SUGCT: variants seen among roughly 807,000 people sequenced by gnomAD.
SUGCT encodes succinyl-CoA:glutarate-CoA transferase.
SUGCT carries 41 observed loss-of-function variants against 55.0 expected under a neutral mutation model. That is an observed-to-expected ratio of 0.74 (90% CI 0.58 to 0.97). The LOEUF is 0.97. Ranked by LOEUF, SUGCT falls within the 50% of genes least tolerant of loss-of-function variation. SUGCT has a pLI of 0.00. For missense variants in SUGCT, 568 were observed against 547.8 expected (o/e 1.04, Z -0.37); for synonymous variants, 187 against 200.4 (o/e 0.93, Z 0.56).
At chr7:40,521,617 G>A (rs532284036) in intron 12 of SUGCT, among the ~76,000 whole-genome samples, 4 of 152,202 alleles carry the variant, frequency 2.6e-5, no homozygotes, top group East Asian at 3.9e-4. Context: ...AAAGACTGTA[G>A]CAGCTATGCC....
chr7:40,683,995 G>A, intron 12 of SUGCT: 1 of 1,601,640 alleles, frequency 6.2e-7, no homozygotes, highest in East Asian at 2.3e-5. Flanking sequence ...GTTACTGGCA[G>A]AATTCAAATC....
chr7:40,678,922 A>C (rs1784119354), intron 12 of SUGCT, among the ~76,000 whole-genome samples: 1 of 152,218 alleles, frequency 6.6e-6, no homozygotes, highest in South Asian at 2.1e-4. Context: ...GTGGCAAATA[A>C]ATAAATAAAT....
At chr7:40,216,748 T>C (rs766043699) in intron 6 of SUGCT, among the ~76,000 whole-genome samples, 2 of 151,582 alleles carry the variant, frequency 1.3e-5, no homozygotes, top group Non-Finnish European at 2.9e-5. Context: ...GCTACTCACT[T>C]TGGGGGCTGA....
At chr7:40,375,808 T>C (rs1365112090) in intron 9 of SUGCT, among the ~76,000 whole-genome samples, 1 of 152,192 alleles carries the variant, frequency 6.6e-6, no homozygotes, top group Admixed American at 6.5e-5. Flanking sequence ...CATAGTACCC[T>C]CAGGGAATGT....
At position 40,690,187 on chromosome 7, in the gene SUGCT, G is replaced by T. The variant is rs574542508; in HGVS notation, c.1090-59247G>T. 3.3e-4 allele frequency among the ~76,000 whole-genome samples: 50 copies of T among 152,288 alleles called. 1 individual carries two copies. Among genetic ancestry groups the T allele is most frequent in the African/African-American group, 1.1e-3 (44 of 41,572 alleles). The stretch of plus-strand genomic sequence containing the variant: ...ATGTGGAGCTTGGGATATGGGCCAA[G>T]ATGGTAAACATAATGGTTACAATTT... On this transcript the variant is annotated intron_variant, in intron 12 of 13. Coordinates refer to ENST00000335693, the MANE Select transcript of SUGCT (RefSeq NM_001193313.2).
chr7:40,591,870 A>C (rs576310949), intron 12 of SUGCT, among the ~76,000 whole-genome samples: 3 of 152,246 alleles, frequency 2.0e-5, no homozygotes, highest in African/African-American at 7.2e-5. Flanking sequence ...ATAATGTTCA[A>C]TATAGTGTAA....
intron 1 of SUGCT, among the ~76,000 whole-genome samples, chr7:40,137,079 CAG>C (rs771574354): frequency 6.6e-6 from 1 of 151,984 alleles, no homozygotes; most frequent in African/African-American, 2.4e-5. Context: ...CCAGTCTACT[CAG>C]GGGAGGGGGC....
intron 12 of SUGCT, among the ~76,000 whole-genome samples, chr7:40,524,357 G>T (rs1454046863): frequency 6.6e-6 from 1 of 152,026 alleles, no homozygotes; most frequent in East Asian, 1.9e-4. Flanking sequence ...TTTTTGCTAG[G>T]ACATCTTGTG....
chr7:40,249,333 A>ATATATATC, intron 7 of SUGCT, among the ~76,000 whole-genome samples: 2 of 121,076 alleles, frequency 1.7e-5, no homozygotes, highest in Non-Finnish European at 3.5e-5. Flanking sequence ...ATATATATAT[A>ATATATATC]TATATATATA....
chr7:40,633,413 T>C (rs556384794), intron 12 of SUGCT, among the ~76,000 whole-genome samples: 22 of 152,368 alleles, frequency 1.4e-4, no homozygotes, highest in African/African-American at 5.1e-4. Flanking sequence ...GGGCTTACAC[T>C]GAAATGGGCT....
intron 12 of SUGCT, among the ~76,000 whole-genome samples, chr7:40,556,736 A>G (rs1795580072): frequency 6.6e-6 from 1 of 152,190 alleles, no homozygotes; most frequent in African/African-American, 2.4e-5. Context: ...AGTACTTTAT[A>G]TGGGGTTATG....
chr7:40,609,423 C>T (rs563368963), intron 12 of SUGCT, among the ~76,000 whole-genome samples: 8 of 151,736 alleles, frequency 5.3e-5, no homozygotes, highest in African/African-American at 1.2e-4. Flanking sequence ...AAAAATTAGC[C>T]GGGCGTGGTG....
chr7:40,415,044 CAAA>C (rs66493575), intron 9 of SUGCT, among the ~76,000 whole-genome samples: 4 of 71,016 alleles, frequency 5.6e-5, no homozygotes, highest in Non-Finnish European at 2.6e-5. Flanking sequence ...CACTCTGTCA[CAAA>C]AAAAAAAAAA....
At position 40,474,637 on chromosome 7, in the gene SUGCT, G is replaced by A. The variant is rs1006655483; in HGVS notation, c.986+15439G>A. 3.3e-5 allele frequency among the ~76,000 whole-genome samples: 5 copies of A among 152,290 alleles called. No individual in the cohort carries two copies. The East Asian group carries it at 5.8e-4, about 18-fold the overall frequency. On this transcript the variant is annotated intron_variant, in intron 11 of 13. Transcript: ENST00000335693. ...CAATAGACAACCCAGACCAGCTCAGGTTGGTCAGGGGATGTGGGATGGGGC... is the reference window on the plus strand; with the variant it reads ...CAATAGACAACCCAGACCAGCTCAGATTGGTCAGGGGATGTGGGATGGGGC...
chr7:40,627,376 T>C (rs1799570900), intron 12 of SUGCT, among the ~76,000 whole-genome samples: 1 of 152,176 alleles, frequency 6.6e-6, no homozygotes, highest in Non-Finnish European at 1.5e-5. Context: ...CCCATGTAAA[T>C]GAAGTGGTGG....
intron 12 of SUGCT, among the ~76,000 whole-genome samples, chr7:40,630,536 A>G (rs1199545047): frequency 6.6e-6 from 1 of 152,242 alleles, no homozygotes; most frequent in Non-Finnish European, 1.5e-5. Flanking sequence ...TTGCCTGTGC[A>G]TAATGGAATA....
chr7:40,768,322 C>T (rs978364224), intron 13 of SUGCT, among the ~76,000 whole-genome samples: 11 of 152,098 alleles, frequency 7.2e-5, no homozygotes, highest in African/African-American at 2.7e-4. Flanking sequence ...CAGGAAGCCT[C>T]GGCTGCTTCC....
intron 12 of SUGCT, among the ~76,000 whole-genome samples, chr7:40,541,122 C>A (rs763748961): frequency 2.0e-5 from 3 of 152,100 alleles, no homozygotes; most frequent in Non-Finnish European, 2.9e-5. Context: ...AAAATGCCCT[C>A]CAGGCTCTAT....
chr7:41,015,115 T>A, the SUGCT span, among the ~76,000 whole-genome samples: 1 of 152,146 alleles, frequency 6.6e-6, no homozygotes, highest in Non-Finnish European at 1.5e-5. Flanking sequence ...ACTTTCCCTC[T>A]CCATGGTCCA....
Sources: allele counts gnomAD v4.1 joint callset (sites outside exome capture counted in the v4.1 genomes callset), GRCh38; gene constraint gnomAD v4.1.1; transcripts MANE v1.5; gene names NCBI Gene and HGNC (gene_info 2026-07-23, HGNC 2026-07-21).